Variants in TTL observed in about 807,000 individuals in gnomAD.
TTL encodes the protein tubulin--tyrosine ligase.
TTL carries 10 observed loss-of-function variants against 41.1 expected under a neutral mutation model. The ratio of observed to expected loss-of-function variants is 0.24; its 90% CI spans 0.15 to 0.41. The LOEUF is 0.41. Ranked by LOEUF, TTL falls within the 10% of genes least tolerant of loss-of-function variation. The pLI, the probability that TTL is intolerant of heterozygous loss-of-function variation, is 1.00. For synonymous variants in TTL, 175 were observed against 175.5 expected, an observed-to-expected ratio of 1.00 and a Z score of 0.02; for missense variants, 367 against 460.4, an observed-to-expected ratio of 0.80 and a Z score of 1.86.
rs1272480435 is a variant in TTL at position 112,529,077 on chromosome 2, G to A, written c.*282G>A. ...GCAGAGCTCCTTCCCCTCTCCCCGGGAACGGCAGGGCACTGGGACCTCTGG... is the reference window on the plus strand; with the variant it reads ...GCAGAGCTCCTTCCCCTCTCCCCGGAAACGGCAGGGCACTGGGACCTCTGG... On this transcript the variant is annotated 3_prime_UTR_variant, in exon 7 of 7. Transcript: ENST00000233336. 2.1e-6 allele frequency: 1 copy of A among 480,912 alleles called. No homozygotes were observed. The highest frequency in any genetic ancestry group is 1.9e-5 in the African/African-American group (1 of 51,954). 29.8% of individuals were successfully genotyped at this position (480,912 alleles called of 1,614,324 possible).
chr2:112,515,926 G>A (rs770771166), intron 5 of TTL, among the ~76,000 whole-genome samples: 6 of 150,352 alleles, frequency 4.0e-5, no homozygotes, highest in Admixed American at 1.3e-4. Context: ...CAGCCTGGGC[G>A]ACACAGCGAG....
chr2:112,495,815 G>A (rs1681508432), intron 3 of TTL, among the ~76,000 whole-genome samples: 1 of 152,002 alleles, frequency 6.6e-6, no homozygotes, highest in Non-Finnish European at 1.5e-5. Context: ...CCTTCAGCCT[G>A]GGTGACAGAA....
intron 3 of TTL, among the ~76,000 whole-genome samples, chr2:112,500,122 T>C (rs1334750081): frequency 2.0e-5 from 3 of 152,148 alleles, no homozygotes; most frequent in Non-Finnish European, 4.4e-5. Flanking sequence ...GGCCACATAC[T>C]GTGTGATTCC....
At chr2:112,510,093 C>CT (rs1681885204) in intron 5 of TTL, among the ~76,000 whole-genome samples, 1 of 152,016 alleles carries the variant, frequency 6.6e-6, no homozygotes, top group Admixed American at 6.6e-5. Flanking sequence ...CTTCCTTTTG[C>CT]TTTTTGGAGG....
rs551073747 is a variant in TTL at position 112,538,336 on chromosome 2, A to G, written c.*9541A>G. The G allele has an allele frequency of 6.6e-6, 1 of 152,244 alleles. No individual in the cohort carries two copies. The highest frequency in any genetic ancestry group is 1.9e-4 in the East Asian group (1 of 5,204). The allele number at this position is 152,244 out of a possible 1,614,324, so 9.4% of individuals were successfully genotyped here. ...TCACAAGAAAAGCAAATAGCAGACC[A>G]ATAATCTCTTGGGAATACAAACGGA... On this transcript the variant is annotated 3_prime_UTR_variant, in exon 7 of 7. Coordinates refer to ENST00000233336, the MANE Select transcript of TTL (RefSeq NM_153712.5).
rs148984261 is a variant in TTL, at chr2:112,494,713, CT to C, written c.469+339del. Among the ~76,000 whole-genome samples, 736 of 152,328 alleles carry C rather than the reference CT, an allele frequency of 4.8e-3. 6 individuals are homozygous for C. Among genetic ancestry groups the C allele is most frequent in the African/African-American group, 0.017 (713 of 41,588 alleles). On this transcript the variant is annotated intron_variant, in intron 3 of 6. Coordinates refer to ENST00000233336, the MANE Select transcript of TTL (RefSeq NM_153712.5). The stretch of plus-strand genomic sequence containing the variant: ...ACTTAGTATATGATCCCACTATTCA[CT>C]CAGTCTCTGAAGCTTAAAACCTAGG...
In TTL at chr2:112,528,957, A is replaced by G; in HGVS notation, c.*162A>G. ...CGTGAGCAGAGGAGGCAGCTCCCAA[A>G]GAGAGGGCTGCTCAGGGGGCTTCCC... On this transcript the variant is annotated 3_prime_UTR_variant, in exon 7 of 7. Transcript: ENST00000233336. The G allele has an allele frequency of 3.1e-6, 2 of 643,806 alleles. No homozygotes were observed. Among genetic ancestry groups the G allele is most frequent in the Non-Finnish European group, 2.8e-6 (1 of 359,538 alleles). 39.9% of individuals were successfully genotyped at this position (643,806 alleles called of 1,614,324 possible). A position where few individuals can be genotyped will look rare whatever the true frequency, so the allele number is the denominator to read the frequency against.
chr2:112,494,990 G>A (rs1441397681), intron 3 of TTL, among the ~76,000 whole-genome samples: 1 of 152,144 alleles, frequency 6.6e-6, no homozygotes, highest in Non-Finnish European at 1.5e-5. Context: ...AGACTTACCA[G>A]CTGGCTTCCT....
chr2:112,530,182 G>A lies in TTL; in HGVS notation c.*1387G>A, dbSNP rs888625041. 4 of 228,178 alleles carry A rather than the reference G, an allele frequency of 1.8e-5. No individual in the cohort carries two copies. Among genetic ancestry groups the A allele is most frequent in the East Asian group, 6.3e-5 (1 of 15,988 alleles). 14.1% of individuals were successfully genotyped at this position (228,178 alleles called of 1,614,324 possible). A position where few individuals can be genotyped will look rare whatever the true frequency, so the allele number is the denominator to read the frequency against. ...CTACTTGGCTCAAGAAAACATTTCTGCAGTCAGGTGAGACTTTTACAAAAG... is the reference window on the plus strand; with the variant it reads ...CTACTTGGCTCAAGAAAACATTTCTACAGTCAGGTGAGACTTTTACAAAAG... On this transcript the variant is annotated 3_prime_UTR_variant, in exon 7 of 7. Coordinates refer to ENST00000233336, the MANE Select transcript of TTL (RefSeq NM_153712.5).
intron 3 of TTL, among the ~76,000 whole-genome samples, chr2:112,497,712 G>A (rs1238332078): frequency 6.6e-6 from 1 of 151,760 alleles, no homozygotes; most frequent in Non-Finnish European, 1.5e-5. Flanking sequence ...GTGACAGGAA[G>A]AAGATAGTTG....
At chr2:112,495,976 G>GC (rs1681513182) in intron 3 of TTL, among the ~76,000 whole-genome samples, 1 of 152,216 alleles carries the variant, frequency 6.6e-6, no homozygotes, top group African/African-American at 2.4e-5. Context: ...AGACAGGAAG[G>GC]CCTCAACTGG....
chr2:112,515,685 C>T (rs1682049543), intron 5 of TTL, among the ~76,000 whole-genome samples: 1 of 152,170 alleles, frequency 6.6e-6, no homozygotes, highest in African/African-American at 2.4e-5. Flanking sequence ...CGACGGCTCA[C>T]GCCTGTAATC....
rs1440441249 is a variant in TTL, at chr2:112,529,988, C to T, written c.*1193C>T. ...ACTTTATAGGCTTTTCAGGAGGCCACATCACTAGCAGTAGGGAGAACAAGA... is the reference window on the plus strand; with the variant it reads ...ACTTTATAGGCTTTTCAGGAGGCCATATCACTAGCAGTAGGGAGAACAAGA... On this transcript the variant is annotated 3_prime_UTR_variant, in exon 7 of 7. Coordinates refer to ENST00000233336, the MANE Select transcript of TTL (RefSeq NM_153712.5). 2 of 228,748 alleles carry T rather than the reference C, an allele frequency of 8.7e-6. No individual in the cohort carries two copies. The highest frequency in any genetic ancestry group is 1.7e-5 in the Non-Finnish European group (2 of 115,298). 14.2% of individuals were successfully genotyped at this position (228,748 alleles called of 1,614,324 possible). A position where few individuals can be genotyped will look rare whatever the true frequency, so the allele number is the denominator to read the frequency against.
Position 112,537,703 on chromosome 2 carries a change from A to G in TTL, c.*8908A>G, listed in dbSNP as rs973027463. 23 of 152,256 alleles carry G rather than the reference A, an allele frequency of 1.5e-4. No individual in the cohort carries two copies. Among genetic ancestry groups the G allele is most frequent in the African/African-American group, 5.3e-4 (22 of 41,476 alleles). 9.4% of individuals were successfully genotyped at this position (152,256 alleles called of 1,614,324 possible). A position where few individuals can be genotyped will look rare whatever the true frequency, so the allele number is the denominator to read the frequency against. On this transcript the variant is annotated 3_prime_UTR_variant, in exon 7 of 7. Transcript: ENST00000233336. ...ATGACAATTATAAACATATGTACCT[A>G]GCAATACAGCCTAAAGATACATGAC...
chr2:112,515,116 C>G (rs192248462), intron 5 of TTL, among the ~76,000 whole-genome samples: 1 of 152,234 alleles, frequency 6.6e-6, no homozygotes, highest in East Asian at 1.9e-4. Flanking sequence ...AATTCTCCCA[C>G]TTGCCTCATA....
intron 1 of TTL, among the ~76,000 whole-genome samples, chr2:112,484,945 AT>A (rs1266055914): frequency 9.2e-5 from 14 of 152,100 alleles, no homozygotes; most frequent in Admixed American, 4.6e-4. Flanking sequence ...GAAACAAAAC[AT>A]TTTTTATTTT....
At position 112,540,173 on chromosome 2, in the gene TTL, C is replaced by T. The variant is rs1219566891; in HGVS notation, c.*11378C>T. On this transcript the variant is annotated 3_prime_UTR_variant, in exon 7 of 7. Coordinates refer to ENST00000233336, the MANE Select transcript of TTL (RefSeq NM_153712.5). ...ACAAGCTGGGCCGGGTGTGGTGGCT[C>T]ACACCTGTAATCCCAGCACTTTGGG... 1.3e-5 allele frequency: 2 copies of T among 152,146 alleles called. No homozygotes were observed. Among genetic ancestry groups the T allele is most frequent in the East Asian group, 1.9e-4 (1 of 5,204 alleles). 9.4% of individuals were successfully genotyped at this position (152,146 alleles called of 1,614,324 possible). A position where few individuals can be genotyped will look rare whatever the true frequency, so the allele number is the denominator to read the frequency against.
At chr2:112,512,090 A>G (rs929894703) in intron 5 of TTL, among the ~76,000 whole-genome samples, 3 of 150,818 alleles carry the variant, frequency 2.0e-5, no homozygotes, top group African/African-American at 4.9e-5. Context: ...ATTTATTGTT[A>G]TTATTATTAT....
At position 112,529,927 on chromosome 2, in the gene TTL, T is replaced by C. The variant is rs1682466173; in HGVS notation, c.*1132T>C. 1 of 225,600 alleles carries C rather than the reference T, an allele frequency of 4.4e-6. No individual in the cohort carries two copies. Among genetic ancestry groups the C allele is most frequent in the African/African-American group, 2.2e-5 (1 of 45,086 alleles). The allele number at this position is 225,600 out of a possible 1,614,324, so 14.0% of individuals were successfully genotyped here. A position where few individuals can be genotyped will look rare whatever the true frequency, so the allele number is the denominator to read the frequency against. On this transcript the variant is annotated 3_prime_UTR_variant, in exon 7 of 7. Transcript: ENST00000233336. ...CTTGTAAATCTCAACAAATGTGTAC[T>C]GTTAGAAGTGGCTTCCGCTTACTGG...
Sources: gnomAD v4.1 joint callset for allele counts (sites outside exome capture counted in the v4.1 genomes callset) on GRCh38, gnomAD v4.1.1 for gene constraint, MANE v1.5 for transcripts, NCBI Gene and HGNC (gene_info 2026-07-23, HGNC 2026-07-21) for gene names.